The following FUBP3 variants were observed in gnomAD, a reference collection of about 807,000 sequenced individuals.
FUBP3 encodes far upstream element binding protein 3, also known as far upstream element-binding protein 3.
A neutral mutation model predicts 85.6 loss-of-function variants in FUBP3; 28 were observed. The ratio of observed to expected loss-of-function variants is 0.33; its 90% CI spans 0.24 to 0.45. The LOEUF (loss-of-function observed/expected upper bound fraction) is 0.45. Among genes scored for constraint, FUBP3 ranks in the 20% least tolerant of loss-of-function variants. The pLI, the probability that FUBP3 is intolerant of heterozygous loss-of-function variation, is 1.00. For missense variants in FUBP3, 583 were observed against 755.1 expected (o/e 0.77, Z 2.67); for synonymous variants, 271 against 271.4 (o/e 1.00, Z 0.01).
At chr9:130,589,013 G>C (rs1356180426) in intron 1 of FUBP3, among the ~76,000 whole-genome samples, 1 of 152,152 alleles carries the variant, frequency 6.6e-6, no homozygotes, top group East Asian at 1.9e-4. Context: ...ACCTCTGCTT[G>C]CTGTATCCAT....
At chr9:130,608,378 C>T (rs1213552998) in intron 2 of FUBP3, among the ~76,000 whole-genome samples, 1 of 152,176 alleles carries the variant, frequency 6.6e-6, no homozygotes, top group Non-Finnish European at 1.5e-5. Context: ...ATAGGAACAG[C>T]TAACCAAGCT....
chr9:130,592,971 C>T (rs1228825140), intron 1 of FUBP3, among the ~76,000 whole-genome samples: 1 of 152,094 alleles, frequency 6.6e-6, no homozygotes, highest in Admixed American at 6.5e-5. Context: ...TGTGAACTAC[C>T]CACCTTTGGA....
chr9:130,617,142 G>A (rs1315904861), intron 7 of FUBP3, among the ~76,000 whole-genome samples: 2 of 152,176 alleles, frequency 1.3e-5, no homozygotes, highest in Non-Finnish European at 2.9e-5. Flanking sequence ...GAAATCAAAT[G>A]CATATTTCTG....
At chr9:130,610,838 GGTT>G (rs1040590671) in intron 3 of FUBP3, among the ~76,000 whole-genome samples, 2 of 152,056 alleles carry the variant, frequency 1.3e-5, no homozygotes, top group Non-Finnish European at 2.9e-5. Context: ...TTTTTTTGGT[GGTT>G]GTTGTTATTG....
intron 2 of FUBP3, among the ~76,000 whole-genome samples, chr9:130,598,737 A>G (rs1830986317): frequency 6.6e-6 from 1 of 152,252 alleles, no homozygotes; most frequent in Non-Finnish European, 1.5e-5. Context: ...TTTTGTGGTC[A>G]TAAACACTTT....
At position 130,620,417 on chromosome 9, in the gene FUBP3, C is replaced by T. The variant is rs1427206147; in HGVS notation, c.730C>T (p.Arg244Cys). ...AGACCAAGCTGACTTTCGGGGTGTACGCGGCGATTTCAACTCTCGAATGGG... is the reference window on the plus strand; with the variant it reads ...AGACCAAGCTGACTTTCGGGGTGTATGCGGCGATTTCAACTCTCGAATGGG... ...EKDQADFRGVRGDFNSRMGGG... is the reference protein window; with the variant it reads ...EKDQADFRGVCGDFNSRMGGG... Residue 244 changes from arginine (R) to cysteine (C), a missense_variant, in exon 9 of 19, where the codon CGC becomes TGC. Transcript: ENST00000319725. The T allele has an allele frequency of 3.1e-6, 5 of 1,602,972 alleles. No individual in the cohort carries two copies. The highest frequency in any genetic ancestry group is 1.7e-5 in the Admixed American group (1 of 58,672).
chr9:130,591,800 A>G (rs1388228211), intron 1 of FUBP3, among the ~76,000 whole-genome samples: 1 of 152,204 alleles, frequency 6.6e-6, no homozygotes, highest in African/African-American at 2.4e-5. Flanking sequence ...ACACTTGTTG[A>G]TTTAATCTAA....
chr9:130,609,238 A>G (rs1831616880), intron 2 of FUBP3, among the ~76,000 whole-genome samples: 2 of 152,168 alleles, frequency 1.3e-5, no homozygotes. Flanking sequence ...AAGTGTAGCT[A>G]AAGTGGTTTT....
intron 11 of FUBP3, among the ~76,000 whole-genome samples, chr9:130,625,508 C>T (rs190251235): frequency 6.6e-6 from 1 of 152,366 alleles, no homozygotes; most frequent in African/African-American, 2.4e-5. Flanking sequence ...AAAGTCTGTG[C>T]AGCTTCTCCC....
At chr9:130,596,086 C>T (rs887277556) in intron 2 of FUBP3, among the ~76,000 whole-genome samples, 45 of 152,244 alleles carry the variant, frequency 3.0e-4, no homozygotes, top group South Asian at 2.1e-3. Flanking sequence ...TTCTTTAATT[C>T]GTTTATTTGT....
intron 2 of FUBP3, among the ~76,000 whole-genome samples, chr9:130,607,279 CTT>C (rs879356941): frequency 3.5e-5 from 5 of 141,478 alleles, no homozygotes; most frequent in East Asian, 2.0e-4. Flanking sequence ...ACCTGACCTC[CTT>C]TTTTTTTTTT....
At position 130,612,649 on chromosome 9, in the gene FUBP3, A is replaced by G. The variant is rs1588143141; in HGVS notation, c.274+144A>G. The G allele has an allele frequency of 4.3e-6, 3 of 694,680 alleles. No homozygotes were observed. Among genetic ancestry groups the G allele is most frequent in the East Asian group, 2.7e-5 (1 of 37,458 alleles). 43.0% of individuals were successfully genotyped at this position (694,680 alleles called of 1,614,324 possible). On this transcript the variant is annotated intron_variant, in intron 4 of 18. Transcript: ENST00000319725. The surrounding 1 kb of genome is among the most constrained non-coding windows in gnomAD (Gnocchi z 4.1). The stretch of plus-strand genomic sequence containing the variant: ...TGTAGTAGAATGCTTTGCACATGCC[A>G]TTCCCCACAGCTCTGAAATGCTGCA...
chr9:130,587,038 T>C (rs2313603), intron 1 of FUBP3, among the ~76,000 whole-genome samples: 99,715 of 148,488 alleles, frequency 0.67, 33,927 homozygotes, highest in East Asian at 0.93. Context: ...CGTGAGCCAC[T>C]GCACCCGGCG....
At chr9:130,583,891 T>C (rs991496884) in intron 1 of FUBP3, among the ~76,000 whole-genome samples, 2 of 152,122 alleles carry the variant, frequency 1.3e-5, no homozygotes, top group Non-Finnish European at 2.9e-5. Flanking sequence ...AATGTGATAA[T>C]TTATCATATA....
At chr9:130,627,024 A>G (rs973656752) in intron 12 of FUBP3, among the ~76,000 whole-genome samples, 3 of 152,238 alleles carry the variant, frequency 2.0e-5, no homozygotes, top group African/African-American at 7.2e-5. Context: ...GTGGAGGGAA[A>G]TAAACATTGA....
intron 2 of FUBP3, among the ~76,000 whole-genome samples, chr9:130,595,882 C>G (rs1041643516): frequency 2.6e-5 from 4 of 152,262 alleles, no homozygotes; most frequent in African/African-American, 9.6e-5. Context: ...AGCCTAACTC[C>G]CTTCTTCAGT....
intron 1 of FUBP3, among the ~76,000 whole-genome samples, chr9:130,585,469 T>C (rs982018944): frequency 3.9e-5 from 6 of 152,224 alleles, no homozygotes; most frequent in African/African-American, 1.2e-4. Flanking sequence ...TGTAAGCCGA[T>C]GCATGACCTT....
At chr9:130,631,919 T>C in intron 14 of FUBP3, 23 bp from the exon 15 acceptor site, 1 of 1,563,750 alleles carries the variant, frequency 6.4e-7, no homozygotes, top group Non-Finnish European at 8.8e-7. Context: ...GCTCAGTCTG[T>C]TGTTTCTTTT....
At chr9:130,585,269 A>G (rs766042276) in intron 1 of FUBP3, among the ~76,000 whole-genome samples, 3 of 152,204 alleles carry the variant, frequency 2.0e-5, no homozygotes, top group Non-Finnish European at 2.9e-5. Context: ...CGTTTTTGAC[A>G]TGAGGCATTC....
Sources: gnomAD v4.1 joint callset for allele counts (sites outside exome capture counted in the v4.1 genomes callset) on GRCh38, gnomAD v4.1.1 for gene constraint, Gnocchi (gnomAD v3.1) non-coding constraint, MANE v1.5 for transcripts, NCBI Gene and HGNC (gene_info 2026-07-23, HGNC 2026-07-21) for gene names.